Variants in HYAL4 observed in about 807,000 individuals in gnomAD.
HYAL4 encodes hyaluronidase 4, also known as hyaluronidase-4.
A neutral mutation model predicts 35.2 loss-of-function variants in HYAL4; 37 were observed. The ratio of observed to expected loss-of-function variants is 1.05; its 90% CI spans 0.81 to 1.38. The LOEUF (loss-of-function observed/expected upper bound fraction) is 1.38. Among genes scored for constraint, HYAL4 ranks in the 40% most tolerant of loss-of-function variants. The pLI, the probability that HYAL4 is intolerant of heterozygous loss-of-function variation, is 0.00. For missense variants in HYAL4, 572 were observed against 572.4 expected (o/e 1.00, Z 0.01); for synonymous variants, 198 against 203.2 (o/e 0.97, Z 0.22).
the HYAL4 span, among the ~76,000 whole-genome samples, chr7:123,789,275 G>A: frequency 2.0e-5 from 3 of 152,166 alleles, no homozygotes; most frequent in African/African-American, 7.2e-5. Flanking sequence ...GTTTAGGAGC[G>A]GTAGTGACCA....
chr7:123,855,672 T>A (rs187524082), intron 2 of HYAL4, among the ~76,000 whole-genome samples: 163 of 152,242 alleles, frequency 1.1e-3, no homozygotes, highest in African/African-American at 3.7e-3. Context: ...GACAATTATG[T>A]GTCTTGGGGT....
chr7:123,869,019 C>G lies in HYAL4; in HGVS notation c.746C>G (p.Ser249Cys). ...EDEVLRNNELSWLWNSSAALY... is the reference protein window; with the variant it reads ...EDEVLRNNELCWLWNSSAALY... The stretch of plus-strand genomic sequence containing the variant: ...GAAGTCTTGAGGAACAATGAGCTCT[C>G]TTGGCTCTGGAACAGCAGTGCTGCT... The change falls in exon 3 of 5, where the codon TCT becomes TGT. Residue 249 changes from serine (S) to cysteine (C), a missense_variant. Coordinates refer to ENST00000223026, the MANE Select transcript of HYAL4 (RefSeq NM_012269.3). 6.2e-7 allele frequency: 1 copy of G among 1,614,170 alleles called. No individual in the cohort carries two copies. Among genetic ancestry groups the G allele is most frequent in the East Asian group, 2.2e-5 (1 of 44,884 alleles).
the HYAL4 span, chr7:123,814,212 C>T: frequency 6.6e-6 from 1 of 152,580 alleles, no homozygotes; most frequent in African/African-American, 2.4e-5. Flanking sequence ...GCCCTCAAAC[C>T]AGCAATGCCT....
chr7:123,773,418 GAT>G, the HYAL4 span, among the ~76,000 whole-genome samples: 3 of 152,068 alleles, frequency 2.0e-5, no homozygotes, highest in South Asian at 6.2e-4. Context: ...GGAAGAGTAA[GAT>G]AAGAATAAAT....
Position 123,869,096 on chromosome 7 carries a change from T to C in HYAL4, c.823T>C (p.Leu275=). The C allele has an allele frequency of 1.9e-6, 3 of 1,614,196 alleles. No homozygotes were observed. Among genetic ancestry groups the C allele is most frequent in the Non-Finnish European group, 2.5e-6 (3 of 1,180,022 alleles). Reference sequence around the variant, plus strand: ...ATCCCTTGGAGACAGTGAAAACATTTTGCGCTTCTCCAAATTTCGGGTGCA... The same window carrying C: ...ATCCCTTGGAGACAGTGAAAACATTCTGCGCTTCTCCAAATTTCGGGTGCA... ...WKSLGDSENI[L]RFSKFRVHES... The change falls in exon 3 of 5, where the codon TTG becomes CTG. Residue 275 remains leucine, a synonymous_variant. Transcript: ENST00000223026.
At chr7:123,856,853 G>T (rs549202545) in intron 2 of HYAL4, among the ~76,000 whole-genome samples, 2 of 152,302 alleles carry the variant, frequency 1.3e-5, no homozygotes, top group East Asian at 3.9e-4. Flanking sequence ...CCTGACTGGG[G>T]CTGCTGCCTT....
chr7:123,859,256 A>G (rs559186146), intron 2 of HYAL4, among the ~76,000 whole-genome samples: 1 of 152,310 alleles, frequency 6.6e-6, no homozygotes, highest in Admixed American at 6.5e-5. Flanking sequence ...ATTTCTCCAC[A>G]TACTTTTATC....
chr7:123,840,217 T>C (rs1446099108), upstream of HYAL4, among the ~76,000 whole-genome samples: 3 of 152,316 alleles, frequency 2.0e-5, no homozygotes, highest in African/African-American at 7.2e-5. Flanking sequence ...CTAGCCAGTT[T>C]TCCCAGCACC....
chr7:123,838,537 T>C (rs1298939818), intron 1 of HYAL4, among the ~76,000 whole-genome samples: 2 of 151,824 alleles, frequency 1.3e-5, no homozygotes, highest in African/African-American at 4.8e-5. Context: ...CTTTTTATAA[T>C]AAATGATGTC....
chr7:123,866,466 A>G (rs569140088), intron 2 of HYAL4, among the ~76,000 whole-genome samples: 1 of 152,304 alleles, frequency 6.6e-6, no homozygotes, highest in East Asian at 1.9e-4. Context: ...TTAATGAAAT[A>G]TGGGCTTTGC....
the HYAL4 span, among the ~76,000 whole-genome samples, chr7:123,791,317 T>A: frequency 6.6e-6 from 1 of 152,114 alleles, no homozygotes; most frequent in Non-Finnish European, 1.5e-5. Context: ...TCTTTATCTG[T>A]AAAAAGAGAA....
In HYAL4 at chr7:123,868,717, T is replaced by C. The variant is rs781189704; in HGVS notation, c.444T>C (p.Tyr148=). The C allele has an allele frequency of 5.0e-6, 8 of 1,613,732 alleles. No homozygotes were observed. The highest frequency in any genetic ancestry group is 4.2e-6 in the Non-Finnish European group (5 of 1,179,982). The change falls in exon 3 of 5, where the codon TAT becomes TAC. Residue 148 remains tyrosine, a synonymous_variant. Transcript: ENST00000223026. ...FSGLAVIDWE[Y]WRPQWARNWN... ...GACTTGCTGTTATAGATTGGGAATA[T>C]TGGCGACCACAGTGGGCCCGGAACT...
the HYAL4 span, among the ~76,000 whole-genome samples, chr7:123,765,635 C>G: frequency 6.6e-6 from 1 of 152,086 alleles, no homozygotes; most frequent in Non-Finnish European, 1.5e-5. Context: ...GAAAAAATAA[C>G]TTTTAAATAT....
At chr7:123,866,697 A>G (rs1417437913) in intron 2 of HYAL4, among the ~76,000 whole-genome samples, 1 of 152,192 alleles carries the variant, frequency 6.6e-6, no homozygotes, top group East Asian at 1.9e-4. Flanking sequence ...GTAGTTTTAC[A>G]AAGAGATGAC....
Position 123,848,731 on chromosome 7 carries a change from G to GT in HYAL4, c.-52+578dup, listed in dbSNP as rs547310841. Among the ~76,000 whole-genome samples, 214 of 152,226 alleles carry GT rather than the reference G, an allele frequency of 1.4e-3. 1 individual carries two copies. Among genetic ancestry groups the GT allele is most frequent in the African/African-American group, 4.9e-3 (203 of 41,548 alleles). ...TTTTGCACCATCTTTAATGAAACAT[G>GT]TTTTTCATACCTAATTTTATAGTTA... On this transcript the variant is annotated intron_variant, in intron 2 of 4. Coordinates refer to ENST00000223026, the MANE Select transcript of HYAL4 (RefSeq NM_012269.3).
the HYAL4 span, among the ~76,000 whole-genome samples, chr7:123,792,064 GA>G: frequency 7.2e-5 from 11 of 152,238 alleles, no homozygotes; most frequent in African/African-American, 2.4e-4. Context: ...TGAGCCCTAT[GA>G]ACTCTCACTC....
chr7:123,826,072 G>A (rs1420826660), upstream of HYAL4, among the ~76,000 whole-genome samples: 1 of 151,744 alleles, frequency 6.6e-6, no homozygotes, highest in Admixed American at 6.6e-5. Flanking sequence ...ACAAAAAGGT[G>A]CACATTTCTT....
At chr7:123,861,334 GCTTTTTA>G (rs1450655416) in intron 2 of HYAL4, among the ~76,000 whole-genome samples, 1 of 152,134 alleles carries the variant, frequency 6.6e-6, no homozygotes, top group Non-Finnish European at 1.5e-5. Flanking sequence ...CCACTGGATG[GCTTTTTA>G]GTTCAACAAC....
the HYAL4 span, among the ~76,000 whole-genome samples, chr7:123,777,443 A>ATTT: frequency 6.6e-6 from 1 of 152,226 alleles, no homozygotes; most frequent in Non-Finnish European, 1.5e-5. Flanking sequence ...AAAATTAAAA[A>ATTT]TTATACATGT....
Sources: allele counts gnomAD v4.1 joint callset (sites outside exome capture counted in the v4.1 genomes callset), GRCh38; gene constraint gnomAD v4.1.1; transcripts MANE v1.5; gene names NCBI Gene and HGNC (gene_info 2026-07-23, HGNC 2026-07-21).